The following GIPC2 variants were observed in gnomAD, a reference collection of about 807,000 sequenced individuals.
GIPC2 encodes the protein GIPC PDZ domain containing family member 2.
Under a neutral mutation model 30.6 loss-of-function variants are expected in GIPC2, and 30 were observed. The observed-to-expected ratio is 0.98, with a 90% CI of 0.73 to 1.33. The LOEUF is 1.33. Among genes scored for constraint, GIPC2 ranks in the 40% most tolerant of loss-of-function variants. The pLI is 0.00. For missense variants in GIPC2, 414 were observed against 390.3 expected, an observed-to-expected ratio of 1.06 and a Z score of -0.51; for synonymous variants, 167 against 150.0, an observed-to-expected ratio of 1.11 and a Z score of -0.83.
chr1:78,057,377 C>G (rs150420858), intron 1 of GIPC2, among the ~76,000 whole-genome samples: 1 of 152,232 alleles, frequency 6.6e-6, no homozygotes, highest in Non-Finnish European at 1.5e-5. Context: ...TTTCCTACAT[C>G]TGAATGCTGG....
At chr1:78,112,632 T>C (rs1662492588) in intron 3 of GIPC2, 2 of 500,084 alleles carry the variant, frequency 4.0e-6, no homozygotes, top group Non-Finnish European at 8.0e-6. Flanking sequence ...CTTCCGTCAG[T>C]TGAGGATCTA....
intron 1 of GIPC2, among the ~76,000 whole-genome samples, chr1:78,058,585 T>C (rs1464711268): frequency 6.6e-6 from 1 of 152,164 alleles, no homozygotes; most frequent in Non-Finnish European, 1.5e-5. Flanking sequence ...TTTCCTAAAA[T>C]GTGTTCCAAG....
intron 1 of GIPC2, among the ~76,000 whole-genome samples, chr1:78,061,832 G>A (rs1661399817): frequency 6.6e-6 from 1 of 152,152 alleles, no homozygotes; most frequent in Admixed American, 6.5e-5. Flanking sequence ...GGCCAGGCTG[G>A]TCTTGAACTC....
chr1:78,074,226 T>G (rs570166728), intron 1 of GIPC2, among the ~76,000 whole-genome samples: 8 of 152,242 alleles, frequency 5.3e-5, no homozygotes, highest in African/African-American at 1.9e-4. Flanking sequence ...GCCTTTTTAT[T>G]TATTTACTTA....
intron 1 of GIPC2, 29 bp downstream of exon 1, chr1:78,046,363 G>A: frequency 2.5e-6 from 4 of 1,570,772 alleles, no homozygotes; most frequent in South Asian, 1.1e-5. Flanking sequence ...AGGCTCTCCC[G>A]CCTCTCCGCC....
chr1:78,115,145 C>T (rs1014841075), intron 3 of GIPC2, among the ~76,000 whole-genome samples: 1 of 152,000 alleles, frequency 6.6e-6, no homozygotes, highest in Non-Finnish European at 1.5e-5. Flanking sequence ...GGGTCCTTAG[C>T]TTTGTAAGTC....
rs1484208826 is a variant in GIPC2 at position 78,135,844 on chromosome 1, G to C, written c.*101G>C. 3 of 922,302 alleles carry C rather than the reference G, an allele frequency of 3.3e-6. No individual in the cohort carries two copies. Among genetic ancestry groups the C allele is most frequent in the African/African-American group, 1.7e-5 (1 of 58,642 alleles). The allele number at this position is 922,302 out of a possible 1,614,324, so 57.1% of individuals were successfully genotyped here. A position where few individuals can be genotyped will look rare whatever the true frequency, so the allele number is the denominator to read the frequency against. On this transcript the variant is annotated 3_prime_UTR_variant, in exon 6 of 6. Coordinates refer to ENST00000370759, the MANE Select transcript of GIPC2 (RefSeq NM_017655.6). ...TTTTTGGACACCTTTACTAACTCTG[G>C]TTTAATTTCATGTGTATGGAATATA...
intron 1 of GIPC2, among the ~76,000 whole-genome samples, chr1:78,078,941 A>G (rs754944250): frequency 1.3e-5 from 2 of 152,022 alleles, no homozygotes; most frequent in African/African-American, 2.4e-5. Flanking sequence ...GCTGTTTTCT[A>G]CACATACTCC....
chr1:78,068,881 C>T (rs1011516259), intron 1 of GIPC2, among the ~76,000 whole-genome samples: 1 of 152,150 alleles, frequency 6.6e-6, no homozygotes, highest in African/African-American at 2.4e-5. Flanking sequence ...TGGTACTCCT[C>T]ATCCTGGCTC....
intron 1 of GIPC2, among the ~76,000 whole-genome samples, chr1:78,053,028 C>A (rs1480529521): frequency 6.6e-6 from 1 of 152,090 alleles, no homozygotes; most frequent in Non-Finnish European, 1.5e-5. Flanking sequence ...GCATATAGCA[C>A]CCCCTGCCCT....
At chr1:78,106,094 G>A (rs1662347433) in intron 3 of GIPC2, among the ~76,000 whole-genome samples, 1 of 151,788 alleles carries the variant, frequency 6.6e-6, no homozygotes, top group Admixed American at 6.6e-5. Flanking sequence ...AATTAGCCGG[G>A]CATAGTGGCA....
intron 3 of GIPC2, among the ~76,000 whole-genome samples, chr1:78,116,512 C>G (rs1009207721): frequency 5.3e-5 from 8 of 152,056 alleles, no homozygotes; most frequent in Non-Finnish European, 1.0e-4. Flanking sequence ...CGCCTCCCCC[C>G]ACTCCACAAC....
At chr1:78,086,458 G>A (rs1376296830) in intron 2 of GIPC2, among the ~76,000 whole-genome samples, 2 of 152,164 alleles carry the variant, frequency 1.3e-5, no homozygotes, top group Non-Finnish European at 2.9e-5. Context: ...CCAATGTTGA[G>A]TTCAGGTCCT....
chr1:78,050,436 T>C (rs908998128), intron 1 of GIPC2, among the ~76,000 whole-genome samples: 1 of 152,150 alleles, frequency 6.6e-6, no homozygotes, highest in African/African-American at 2.4e-5. Context: ...GTGAATCAGT[T>C]AAGATTTGTT....
chr1:78,127,366 T>C (rs1662801840), intron 5 of GIPC2, among the ~76,000 whole-genome samples: 1 of 152,232 alleles, frequency 6.6e-6, no homozygotes, highest in Non-Finnish European at 1.5e-5. Flanking sequence ...AGAAAATGGC[T>C]GAAGAAATCA....
intron 3 of GIPC2, among the ~76,000 whole-genome samples, chr1:78,115,819 T>C (rs1662557331): frequency 6.6e-6 from 1 of 152,214 alleles, no homozygotes; most frequent in Non-Finnish European, 1.5e-5. Context: ...ATAATTGTAT[T>C]CTCAGAGGAA....
Position 78,080,764 on chromosome 1 carries a change from T to C in GIPC2, c.330T>C (p.His110=). 6.2e-7 allele frequency: 1 copy of C among 1,609,258 alleles called. No individual in the cohort carries two copies. Among genetic ancestry groups the C allele is most frequent in the Non-Finnish European group, 8.5e-7 (1 of 1,175,658 alleles). ...GACTAGAAGATTTCATATTTGCCCATGTGAAAGGAATCGAAAAAGAAGTGA... is the reference window on the plus strand; with the variant it reads ...GACTAGAAGATTTCATATTTGCCCACGTGAAAGGAATCGAAAAAGAAGTGA... ...QLGLEDFIFA[H]VKGIEKEVNV... is the part of the protein sequence containing the mutation. The change falls in exon 2 of 6, where the codon CAT becomes CAC. Residue 110 remains histidine (H), a synonymous_variant. Transcript: ENST00000370759.
intron 1 of GIPC2, among the ~76,000 whole-genome samples, chr1:78,070,778 TTTTC>T (rs1661603543): frequency 6.6e-6 from 1 of 152,146 alleles, no homozygotes; most frequent in South Asian, 2.1e-4. Flanking sequence ...ATCTGACTGT[TTTTC>T]TTTTTTTGGA....
At chr1:78,122,183 G>A (rs1662695072) in intron 4 of GIPC2, among the ~76,000 whole-genome samples, 1 of 152,154 alleles carries the variant, frequency 6.6e-6, no homozygotes, top group Non-Finnish European at 1.5e-5. Context: ...AGTCTGTTTA[G>A]TAAAATAGGG....
Sources: allele counts gnomAD v4.1 joint callset (sites outside exome capture counted in the v4.1 genomes callset), GRCh38; gene constraint gnomAD v4.1.1; transcripts MANE v1.5; gene names NCBI Gene and HGNC (gene_info 2026-07-23, HGNC 2026-07-21).